The following FOCAD variants were observed in gnomAD, a reference collection of about 807,000 sequenced individuals.
The protein encoded by FOCAD is focadhesin, also known as KIAA1797.
Under a neutral mutation model 225.6 loss-of-function variants are expected in FOCAD, and 198 were observed. The ratio of observed to expected loss-of-function variants is 0.88; its 90% CI spans 0.78 to 0.99. FOCAD has a LOEUF of 0.99. Ranked by LOEUF, FOCAD falls within the 50% of genes least tolerant of loss-of-function variation. The pLI is 0.00. For missense variants in FOCAD, 2,713 were observed against 2,123.6 expected (o/e 1.28, Z -5.46); for synonymous variants, 897 against 755.0 (o/e 1.19, Z -3.08).
At chr9:20,921,248 G>C (rs144289019) in intron 24 of FOCAD, among the ~76,000 whole-genome samples, 6 of 152,224 alleles carry the variant, frequency 3.9e-5, no homozygotes, top group Non-Finnish European at 5.9e-5. Context: ...TTGTCCCTAA[G>C]AAAGCATCAT....
At chr9:20,740,475 T>C in intron 5 of FOCAD, 135 bp downstream of exon 5, 1 of 512,842 alleles carries the variant, frequency 1.9e-6, no homozygotes, top group Non-Finnish European at 3.5e-6. Flanking sequence ...GGTGTTGACC[T>C]CTCAGGAAGT....
intron 11 of FOCAD, among the ~76,000 whole-genome samples, chr9:20,808,610 A>C (rs1376824940): frequency 6.6e-6 from 1 of 152,200 alleles, no homozygotes; most frequent in East Asian, 1.9e-4. Context: ...AACATACACG[A>C]GGTTCAGTGA....
Position 20,837,155 on chromosome 9 carries a change from C to A in FOCAD, c.1920+14040C>A, listed in dbSNP as rs572990953. ...ATTGCCCCCGTGCTTTATTTTTATC[C>A]ATTTTGGGGGTTTATTTTGTGTCTC... is the stretch of plus-strand genomic sequence containing the variant. On this transcript the variant is annotated intron_variant, in intron 15 of 43. Coordinates refer to ENST00000338382, the MANE Select transcript of FOCAD (RefSeq NM_001375567.1). 2.6e-5 allele frequency among the ~76,000 whole-genome samples: 4 copies of A among 152,098 alleles called. No individual in the cohort carries two copies. In the South Asian group the frequency reaches 8.3e-4, roughly 32 times the overall value.
intron 21 of FOCAD, among the ~76,000 whole-genome samples, chr9:20,903,996 A>T (rs1317309824): frequency 6.6e-6 from 1 of 151,914 alleles, no homozygotes; most frequent in Non-Finnish European, 1.5e-5. Flanking sequence ...GATATTTCAT[A>T]TAAGTGACAT....
intron 10 of FOCAD, among the ~76,000 whole-genome samples, chr9:20,784,052 TC>T (rs1380764671): frequency 6.6e-6 from 1 of 152,158 alleles, no homozygotes; most frequent in African/African-American, 2.4e-5. Flanking sequence ...CTAAAAAGTC[TC>T]CCCAGACAAT....
At chr9:20,802,535 T>G (rs1254845081) in intron 11 of FOCAD, among the ~76,000 whole-genome samples, 1 of 152,110 alleles carries the variant, frequency 6.6e-6, no homozygotes, top group East Asian at 1.9e-4. Flanking sequence ...CCTTGGACAG[T>G]TCTTGGGCTT....
chr9:20,830,145 C>T (rs1825340357), intron 15 of FOCAD, among the ~76,000 whole-genome samples: 1 of 151,922 alleles, frequency 6.6e-6, no homozygotes, highest in South Asian at 2.1e-4. Context: ...TGTTTGTGTT[C>T]ACTTTACCTT....
intron 21 of FOCAD, among the ~76,000 whole-genome samples, chr9:20,888,967 C>T (rs1293771078): frequency 2.0e-5 from 3 of 152,148 alleles, no homozygotes; most frequent in African/African-American, 7.2e-5. Flanking sequence ...TGAAAGTGGA[C>T]TGATACAAGG....
chr9:20,861,854 A>G, intron 15 of FOCAD, among the ~76,000 whole-genome samples: 1 of 152,138 alleles, frequency 6.6e-6, no homozygotes, highest in East Asian at 1.9e-4. Context: ...TGAAAAAATC[A>G]TCAGTGTTAG....
At chr9:20,758,212 A>G in intron 6 of FOCAD, 21 bp downstream of exon 6, 2 of 1,567,148 alleles carry the variant, frequency 1.3e-6, no homozygotes, top group Non-Finnish European at 1.7e-6. Flanking sequence ...ATAAAAGTGT[A>G]AAATAAAGTG....
intron 1 of FOCAD, among the ~76,000 whole-genome samples, chr9:20,710,637 GTTA>G: frequency 6.6e-6 from 1 of 151,566 alleles, no homozygotes; most frequent in Middle Eastern, 3.4e-3. Context: ...TTTTGCTTTT[GTTA>G]TTGAGAATAT....
rs1564260416 is a variant in FOCAD, at chr9:20,995,706, A to G, written c.*77A>G. On this transcript the variant is annotated 3_prime_UTR_variant, in exon 44 of 44. Transcript: ENST00000338382. ...AAGTGGAAGAAGTTTTTCAGAATTC[A>G]TGCCTGGTATTGCTGAGACATGATG... is the stretch of plus-strand genomic sequence containing the variant. 37 of 1,292,872 alleles carry G rather than the reference A, an allele frequency of 2.9e-5. No individual in the cohort carries two copies. The highest frequency in any genetic ancestry group is 4.4e-5 in the African/African-American group (3 of 68,460). 80.1% of individuals were successfully genotyped at this position (1,292,872 alleles called of 1,614,324 possible). A position where few individuals can be genotyped will look rare whatever the true frequency, so the allele number is the denominator to read the frequency against.
chr9:20,937,993 T>G (rs1473426978), intron 28 of FOCAD, among the ~76,000 whole-genome samples: 1 of 152,042 alleles, frequency 6.6e-6, no homozygotes, highest in African/African-American at 2.4e-5. Flanking sequence ...TCATCATCAC[T>G]GGCCATCAGA....
chr9:20,868,902 C>T (rs1829520385), intron 18 of FOCAD, among the ~76,000 whole-genome samples: 1 of 152,104 alleles, frequency 6.6e-6, no homozygotes, highest in Non-Finnish European at 1.5e-5. Flanking sequence ...GCTTCTAAGA[C>T]CACACCATGC....
intron 2 of FOCAD, among the ~76,000 whole-genome samples, chr9:20,670,369 C>A (rs967753032): frequency 1.3e-5 from 2 of 152,104 alleles, no homozygotes; most frequent in African/African-American, 2.4e-5. Flanking sequence ...ATAAAGATAC[C>A]ACCTGAAACT....
intron 6 of FOCAD, among the ~76,000 whole-genome samples, chr9:20,762,945 C>T (rs1253046219): frequency 6.6e-6 from 1 of 152,150 alleles, no homozygotes; most frequent in Admixed American, 6.5e-5. Context: ...CCGTTTCTTC[C>T]GTGAAGCAAT....
At chr9:20,903,183 A>T (rs962574527) in intron 21 of FOCAD, among the ~76,000 whole-genome samples, 3 of 151,916 alleles carry the variant, frequency 2.0e-5, no homozygotes, top group Non-Finnish European at 4.4e-5. Flanking sequence ...CATGACCAAG[A>T]GGGCTGAACT....
At chr9:20,920,357 T>C (rs1834289773) in intron 24 of FOCAD, among the ~76,000 whole-genome samples, 3 of 129,482 alleles carry the variant, frequency 2.3e-5, no homozygotes, top group Non-Finnish European at 4.9e-5. Flanking sequence ...ACTTTTACAC[T>C]GTTGGTGGGA....
chr9:20,771,110 C>A (rs1432770203), intron 8 of FOCAD, among the ~76,000 whole-genome samples: 1 of 152,004 alleles, frequency 6.6e-6, no homozygotes, highest in Non-Finnish European at 1.5e-5. Context: ...GGTACAAGGG[C>A]CTGGGAAGGG....
Sources: allele counts gnomAD v4.1 joint callset (sites outside exome capture counted in the v4.1 genomes callset), GRCh38; gene constraint gnomAD v4.1.1; transcripts MANE v1.5; gene names NCBI Gene and HGNC (gene_info 2026-07-23, HGNC 2026-07-21).